The following RBPJ variants were observed in gnomAD, a reference collection of about 807,000 sequenced individuals.
The protein encoded by RBPJ is recombination signal binding protein for immunoglobulin kappa J region.
RBPJ carries 9 observed loss-of-function variants against 67.8 expected under a neutral mutation model. The observed-to-expected ratio is 0.13, with a 90% CI of 0.08 to 0.23. The LOEUF (loss-of-function observed/expected upper bound fraction) is 0.23, where lower values mean the gene tolerates loss of function less well. Ranked by LOEUF, RBPJ falls within the 10% of genes least tolerant of loss-of-function variation. The pLI is 1.00. For synonymous variants in RBPJ, 198 were observed against 203.3 expected (o/e 0.97, Z 0.22); for missense variants, 305 against 595.6 (o/e 0.51, Z 5.08).
chr4:26,313,791 G>A (rs896395669), intron 1 of RBPJ, among the ~76,000 whole-genome samples: 2 of 151,974 alleles, frequency 1.3e-5, no homozygotes, highest in Non-Finnish European at 2.9e-5. Context: ...AGACAAGATT[G>A]CACCAATGCA....
At chr4:26,392,346 A>G (rs1731592139) in intron 2 of RBPJ, among the ~76,000 whole-genome samples, 2 of 152,206 alleles carry the variant, frequency 1.3e-5, no homozygotes, top group African/African-American at 4.8e-5. Context: ...AAACATCTGA[A>G]TACAAAGCCC....
At chr4:26,263,594 A>G (rs112454833) in intron 1 of RBPJ, among the ~76,000 whole-genome samples, 5,146 of 152,144 alleles carry the variant, frequency 0.034, 202 homozygotes, top group Middle Eastern at 0.092. Flanking sequence ...GTTTTTGAGA[A>G]GGAGTCTCGC....
chr4:26,129,240 G>A, the RBPJ span, among the ~76,000 whole-genome samples: 3 of 152,146 alleles, frequency 2.0e-5, no homozygotes, highest in Non-Finnish European at 4.4e-5. Context: ...ACCTCAAATA[G>A]GTGTTCTGTT....
chr4:26,186,192 TAAAAAAAAAA>T (rs528707678), intron 1 of RBPJ, among the ~76,000 whole-genome samples: 2 of 117,054 alleles, frequency 1.7e-5, no homozygotes, highest in East Asian at 2.5e-4. Flanking sequence ...CCCTTTTTTT[TAAAAAAAAAA>T]AAAAAAAAAA....
At chr4:26,329,657 G>A (rs189093126) in intron 1 of RBPJ, among the ~76,000 whole-genome samples, 289 of 152,286 alleles carry the variant, frequency 1.9e-3, no homozygotes, top group Non-Finnish European at 3.5e-3. Flanking sequence ...CACTTTGGGA[G>A]GCCGAGGCGG....
At chr4:26,164,170 G>A (rs1716170784) in intron 1 of RBPJ, among the ~76,000 whole-genome samples, 1 of 152,188 alleles carries the variant, frequency 6.6e-6, no homozygotes, top group Non-Finnish European at 1.5e-5. Context: ...GGATTTTCAG[G>A]GACAGAGAAA....
intron 2 of RBPJ, among the ~76,000 whole-genome samples, chr4:26,396,484 C>T (rs181600644): frequency 1.3e-5 from 2 of 152,348 alleles, no homozygotes; most frequent in Admixed American, 1.3e-4. Context: ...TTGTCAGCAC[C>T]TCATACTATT....
rs141137479 is a variant in RBPJ, at chr4:26,292,797, CAT to C, written c.-166-69636_-166-69635del. ...TGTGTGTGTATGTGTGAGGTATATA[CAT>C]ATATATATATATGGTGTGTTTATAT... On this transcript the variant is annotated intron_variant, in intron 1 of 4. Coordinates refer to the RBPJ transcript ENST00000512351. Among the ~76,000 whole-genome samples, 4 of 148,304 alleles carry C rather than the reference CAT, an allele frequency of 2.7e-5. 1 individual carries two copies. The highest frequency in any genetic ancestry group is 4.9e-5 in the African/African-American group (2 of 40,476).
intron 1 of RBPJ, among the ~76,000 whole-genome samples, chr4:26,207,855 C>A (rs190684589): frequency 9.3e-4 from 142 of 152,298 alleles, no homozygotes; most frequent in African/African-American, 3.3e-3. Context: ...AATGCATGAG[C>A]CGTCAGGAGG....
At chr4:26,315,791 C>A (rs546575143), upstream of RBPJ, among the ~76,000 whole-genome samples, 1 of 152,066 alleles carries the variant, frequency 6.6e-6, no homozygotes, top group African/African-American at 2.4e-5. Context: ...AGACCTCCCC[C>A]CAGGAATGCA....
At chr4:26,352,750 G>A (rs1378403435) in intron 1 of RBPJ, among the ~76,000 whole-genome samples, 3 of 152,178 alleles carry the variant, frequency 2.0e-5, no homozygotes, top group Admixed American at 6.5e-5. Context: ...AAATCTATCC[G>A]TGGCGTTCTG....
chr4:26,408,820 C>T (rs1236106373), intron 3 of RBPJ, among the ~76,000 whole-genome samples: 1 of 152,178 alleles, frequency 6.6e-6, no homozygotes, highest in African/African-American at 2.4e-5. Flanking sequence ...CTTTTTACTA[C>T]CCTAATTGCC....
the RBPJ span, among the ~76,000 whole-genome samples, chr4:26,140,834 C>CAGATAAAT: frequency 7.2e-6 from 1 of 138,468 alleles, no homozygotes; most frequent in East Asian, 2.1e-4. Flanking sequence ...GACCCTTCCA[C>CAGATAAAT]AAATAAATAA....
At chr4:26,260,067 A>G (rs1438771146) in intron 1 of RBPJ, among the ~76,000 whole-genome samples, 1 of 152,230 alleles carries the variant, frequency 6.6e-6, no homozygotes, top group Non-Finnish European at 1.5e-5. Flanking sequence ...CAGACATATT[A>G]TAGCAAGTTA....
chr4:26,110,949 G>A, the RBPJ span, among the ~76,000 whole-genome samples: 63,319 of 152,022 alleles, frequency 0.42, 13,930 homozygotes, highest in Non-Finnish European at 0.46. This position sits in a 1 kb window ranked among gnomAD's most constrained non-coding sequence, Gnocchi z 4.5. Flanking sequence ...AGTCACTAAT[G>A]CCCTCTGATA....
In RBPJ at chr4:26,434,172, A is replaced by G. The variant is rs1736474285; in HGVS notation, c.*3165A>G. 6.6e-6 allele frequency: 1 copy of G among 152,248 alleles called. No homozygotes were observed. The highest frequency in any genetic ancestry group is 6.5e-5 in the Admixed American group (1 of 15,282). The allele number at this position is 152,248 out of a possible 1,614,324, so 9.4% of individuals were successfully genotyped here. A position where few individuals can be genotyped will look rare whatever the true frequency, so the allele number is the denominator to read the frequency against. ...TGCTCACTTTCTTTAAACTGTGGCA[A>G]TTAAAGGCATGTTTATACATGACTT... is the stretch of plus-strand genomic sequence containing the variant. On this transcript the variant is annotated 3_prime_UTR_variant, in exon 11 of 11. Transcript: ENST00000355476.
rs897964346 is a variant in RBPJ, at chr4:26,431,184, TAAAAA to T, written c.*200_*204del. The T allele has an allele frequency of 6.1e-4, 25 of 40,788 alleles. No homozygotes were observed. Among genetic ancestry groups the T allele is most frequent in the African/African-American group, 2.4e-3 (21 of 8,886 alleles). The allele number at this position is 40,788 out of a possible 1,614,324, so 2.5% of individuals were successfully genotyped here. A position where few individuals can be genotyped will look rare whatever the true frequency, so the allele number is the denominator to read the frequency against. Reference sequence around the variant, plus strand: ...CTGATTTGAAATGCAGAAGCCACAGTAAAAAAAAAAAAAAAAAAAAAAAAAAAGAA... The same window carrying T: ...CTGATTTGAAATGCAGAAGCCACAGTAAAAAAAAAAAAAAAAAAAAAAGAA... On this transcript the variant is annotated 3_prime_UTR_variant, in exon 11 of 11. Transcript: ENST00000355476.
intron 1 of RBPJ, among the ~76,000 whole-genome samples, chr4:26,167,443 G>A (rs200071251): frequency 6.8e-6 from 1 of 147,510 alleles, no homozygotes; most frequent in Non-Finnish European, 1.5e-5. Flanking sequence ...TCCCTTGTAA[G>A]TTGGATTCCT....
chr4:26,302,943 G>T (rs1722117977), intron 1 of RBPJ, among the ~76,000 whole-genome samples: 1 of 151,710 alleles, frequency 6.6e-6, no homozygotes, highest in South Asian at 2.1e-4. Context: ...CACTTTGAGG[G>T]ACCGAGGTAG....
Sources: allele counts gnomAD v4.1 joint callset (sites outside exome capture counted in the v4.1 genomes callset), GRCh38; gene constraint gnomAD v4.1.1; non-coding constraint Gnocchi (gnomAD v3.1); transcripts MANE v1.5; gene names NCBI Gene and HGNC (gene_info 2026-07-23, HGNC 2026-07-21).